The following NRP1 variants were observed in gnomAD, a reference collection of about 807,000 sequenced individuals.
NRP1 encodes neuropilin-1.
Under a neutral mutation model 106.7 loss-of-function variants are expected in NRP1, and 35 were observed. The ratio of observed to expected loss-of-function variants is 0.33; its 90% confidence interval spans 0.25 to 0.43. NRP1 has a LOEUF of 0.43. NRP1 is among the 20% of genes least tolerant of loss of function. The pLI is 1.00. For synonymous variants in NRP1, 437 were observed against 417.9 expected (o/e 1.05, Z -0.56); for missense variants, 1,024 against 1,170.4 (o/e 0.87, Z 1.83).
At chr10:33,190,978 TAGC>T (rs1836369773) in intron 13 of NRP1, among the ~76,000 whole-genome samples, 1 of 152,064 alleles carries the variant, frequency 6.6e-6, no homozygotes, top group Admixed American at 6.6e-5. Flanking sequence ...AGACTCTGAG[TAGC>T]TGGGACTACA....
chr10:33,284,528 T>C (rs2132576451), intron 2 of NRP1, among the ~76,000 whole-genome samples: 1 of 152,320 alleles, frequency 6.6e-6, no homozygotes, highest in Non-Finnish European at 1.5e-5. Flanking sequence ...TTCCTGAAAT[T>C]GTCATGTTTA....
At position 33,202,973 on chromosome 10, in the gene NRP1, A is replaced by G; in HGVS notation, c.1782T>C (p.Thr594=). Residue 594 remains threonine, a synonymous_variant, in exon 11 of 17, where the codon ACT becomes ACC. Coordinates refer to ENST00000374867, the MANE Select transcript of NRP1 (RefSeq NM_003873.7). ...EVEAPTAGPT[T]PNGNLVDECD... Reference sequence around the variant, plus strand: ...ATTCATCCACCAAGTTCCCGTTGGGAGTGGTCGGTCCAGCTGTAGGGGCTG... The same window carrying G: ...ATTCATCCACCAAGTTCCCGTTGGGGGTGGTCGGTCCAGCTGTAGGGGCTG... 6.2e-7 allele frequency: 1 copy of G among 1,613,940 alleles called. No individual in the cohort carries two copies. The highest frequency in any genetic ancestry group is 8.5e-7 in the Non-Finnish European group (1 of 1,179,904).
At chr10:33,256,572 T>G in intron 4 of NRP1, 101 bp from the exon 5 acceptor site, 1 of 1,325,024 alleles carries the variant, frequency 7.5e-7, no homozygotes, top group Non-Finnish European at 1.1e-6. Context: ...AACCCAGAAG[T>G]GTTTTCTAAC....
intron 2 of NRP1, among the ~76,000 whole-genome samples, chr10:33,275,744 ATT>A (rs35978638): frequency 0.64 from 95,811 of 149,180 alleles, 31,259 homozygotes; most frequent in East Asian, 0.81. Context: ...CTTCTCTACA[ATT>A]TTTTTTTTTT....
intron 6 of NRP1, among the ~76,000 whole-genome samples, chr10:33,235,031 A>T (rs1430600088): frequency 6.6e-6 from 1 of 152,236 alleles, no homozygotes; most frequent in Non-Finnish European, 1.5e-5. Flanking sequence ...GGCAGATGAA[A>T]GGAGATAGTG....
At chr10:33,310,106 C>A (rs1846473588) in intron 2 of NRP1, among the ~76,000 whole-genome samples, 1 of 151,784 alleles carries the variant, frequency 6.6e-6, no homozygotes, top group South Asian at 2.1e-4. Context: ...CGCCACCACG[C>A]CCGGCTAATT....
intron 8 of NRP1, among the ~76,000 whole-genome samples, chr10:33,216,284 C>T (rs906178691): frequency 6.0e-5 from 9 of 151,244 alleles, no homozygotes; most frequent in Admixed American, 5.3e-4. Flanking sequence ...ACTCCAGGCG[C>T]CTGCCACCAC....
At position 33,319,960 on chromosome 10, in the gene NRP1, G is replaced by A. The variant is rs574828041; in HGVS notation, c.248+10748C>T. On this transcript the variant is annotated intron_variant, in intron 2 of 16. Transcript: ENST00000374867. ...AGTTCCGTTCTTGGTCAGCTAGACC[G>A]CGAACCCACCGGAAGGAATAAATTC... is the stretch of plus-strand genomic sequence containing the variant. Among the ~76,000 whole-genome samples the A allele has an allele frequency of 5.3e-5, 8 of 151,970 alleles. No homozygotes were observed. In the South Asian group the frequency reaches 1.7e-3, roughly 32 times the overall value.
At chr10:33,212,962 A>C in intron 9 of NRP1, 1 of 444,462 alleles carries the variant, frequency 2.2e-6, no homozygotes, top group Non-Finnish European at 4.0e-6. Context: ...TGAGCCACTG[A>C]GCCTGGCCCA....
Position 33,334,389 on chromosome 10 carries a change from T to G in NRP1, c.-7A>C. 6.5e-7 allele frequency: 1 copy of G among 1,544,478 alleles called. No individual in the cohort carries two copies. The highest frequency in any genetic ancestry group is 8.7e-7 in the Non-Finnish European group (1 of 1,146,902). Reference sequence around the variant, plus strand: ...GCGGCAGCCCCCTCTCCATTCTCCCTTCTCCGGGTCCGCAGGCAGACGCGG... The same window carrying G: ...GCGGCAGCCCCCTCTCCATTCTCCCGTCTCCGGGTCCGCAGGCAGACGCGG... On this transcript the variant is annotated 5_prime_UTR_variant, in exon 1 of 17. Transcript: ENST00000374867.
At chr10:33,199,144 T>C (rs1467464406) in intron 11 of NRP1, among the ~76,000 whole-genome samples, 2 of 152,012 alleles carry the variant, frequency 1.3e-5, no homozygotes, top group East Asian at 3.9e-4. Flanking sequence ...CAGTCTCCCA[T>C]CCACCTGTCC....
chr10:33,281,071 A>T (rs1307622581), intron 2 of NRP1, among the ~76,000 whole-genome samples: 4 of 147,634 alleles, frequency 2.7e-5, no homozygotes, highest in Non-Finnish European at 6.0e-5. Context: ...TTTTTTTGAG[A>T]CCAAGTCTCA....
Position 33,334,419 on chromosome 10 carries a change from A to T in NRP1, c.-37T>A. On this transcript the variant is annotated 5_prime_UTR_variant, in exon 1 of 17. Coordinates refer to ENST00000374867, the MANE Select transcript of NRP1 (RefSeq NM_003873.7). Reference sequence around the variant, plus strand: ...CGGGTCCGCAGGCAGACGCGGGAGAACGAGGACGTGGGGGGAAATGCAGCA... The same window carrying T: ...CGGGTCCGCAGGCAGACGCGGGAGATCGAGGACGTGGGGGGAAATGCAGCA... The T allele has an allele frequency of 6.6e-7, 1 of 1,521,590 alleles. No homozygotes were observed. Among genetic ancestry groups the T allele is most frequent in the Non-Finnish European group, 8.9e-7 (1 of 1,128,858 alleles). The allele number at this position is 1,521,590 out of a possible 1,614,324, so 94.3% of individuals were successfully genotyped here.
rs1300983161 is a variant in NRP1 at position 33,183,348 on chromosome 10, A to G, written c.2432-600T>C. On this transcript the variant is annotated intron_variant, in intron 15 of 16. Coordinates refer to ENST00000374867, the MANE Select transcript of NRP1 (RefSeq NM_003873.7). Reference sequence around the variant, plus strand: ...CAACAACAAATTTAAAAAAAAAAAAAAAGAAGAGAAGGGGGAAGAGACATG... The same window carrying G: ...CAACAACAAATTTAAAAAAAAAAAAGAAGAAGAGAAGGGGGAAGAGACATG... Among the ~76,000 whole-genome samples, 5 of 152,030 alleles carry G rather than the reference A, an allele frequency of 3.3e-5. No homozygotes were observed. The South Asian group carries it at 6.2e-4, about 19-fold the overall frequency.
At chr10:33,207,742 A>G (rs1178934935) in intron 9 of NRP1, 26 bp from the exon 10 acceptor site, 3 of 1,598,726 alleles carry the variant, frequency 1.9e-6, no homozygotes, top group Non-Finnish European at 2.6e-6. Flanking sequence ...AACACAGGGC[A>G]TTAAGGAAAA....
chr10:33,199,399 T>A (rs1478892219), intron 11 of NRP1, among the ~76,000 whole-genome samples: 2,080 of 72,878 alleles, frequency 0.029, 66 homozygotes, highest in Non-Finnish European at 0.04. Flanking sequence ...ATTTTTTTTT[T>A]TTTTTTTTTT....
intron 6 of NRP1, among the ~76,000 whole-genome samples, chr10:33,234,033 G>A (rs1005176421): frequency 6.6e-6 from 1 of 152,168 alleles, no homozygotes; most frequent in Non-Finnish European, 1.5e-5. Context: ...TCGCTTTAGA[G>A]TTAGTGACAT....
intron 2 of NRP1, among the ~76,000 whole-genome samples, chr10:33,278,529 C>G (rs1330635132): frequency 6.6e-6 from 1 of 152,060 alleles, no homozygotes; most frequent in Non-Finnish European, 1.5e-5. Context: ...GTCCTCACCT[C>G]TCTTGCAGAA....
At chr10:33,265,667 C>A (rs1052706870) in intron 3 of NRP1, among the ~76,000 whole-genome samples, 2 of 152,244 alleles carry the variant, frequency 1.3e-5, no homozygotes, top group Admixed American at 6.5e-5. Context: ...TTAGATGGGC[C>A]CAGTAAACCT....
Sources: gnomAD v4.1 joint callset for allele counts (sites outside exome capture counted in the v4.1 genomes callset) on GRCh38, gnomAD v4.1.1 for gene constraint, MANE v1.5 for transcripts, NCBI Gene and HGNC (gene_info 2026-07-23, HGNC 2026-07-21) for gene names.